The following CCDC92 variants were observed in gnomAD, a reference collection of about 807,000 sequenced individuals.
CCDC92 encodes the protein coiled-coil domain containing 92.
In CCDC92, 12 loss-of-function variants were observed where a neutral mutation model predicts 24.9. The observed-to-expected ratio is 0.48, with a 90% CI of 0.31 to 0.78. The LOEUF (loss-of-function observed/expected upper bound fraction) is 0.78, where lower values mean the gene tolerates loss of function less well. CCDC92 is among the 30% of genes least tolerant of loss of function. The pLI is 0.05. For missense variants in CCDC92, 399 were observed against 439.4 expected (o/e 0.91, Z 0.82); for synonymous variants, 193 against 196.3 (o/e 0.98, Z 0.14).
At chr12:123,940,907 G>C (rs1955663912) in intron 4 of CCDC92, among the ~76,000 whole-genome samples, 1 of 152,062 alleles carries the variant, frequency 6.6e-6, no homozygotes. Flanking sequence ...TTCACCACTG[G>C]GAGGGGAGAC....
Position 123,935,984 on chromosome 12 carries a change from T to G in CCDC92, c.*1074A>C, listed in dbSNP as rs1955476185. The G allele has an allele frequency of 6.5e-6, 1 of 153,700 alleles. No individual in the cohort carries two copies. The highest frequency in any genetic ancestry group is 2.4e-5 in the African/African-American group (1 of 41,492). 9.5% of individuals were successfully genotyped at this position (153,700 alleles called of 1,614,324 possible). On this transcript the variant is annotated 3_prime_UTR_variant, in exon 5 of 5. Coordinates refer to ENST00000238156, the MANE Select transcript of CCDC92 (RefSeq NM_025140.3). ...CCTAGCTTCTTTGGCTCTGACCTGC[T>G]ACGGCGACTGTGAAGTTGTTGAGCT... is the stretch of plus-strand genomic sequence containing the variant.
chr12:123,939,048 T>G (rs902323982), intron 4 of CCDC92, among the ~76,000 whole-genome samples: 1 of 152,218 alleles, frequency 6.6e-6, no homozygotes, highest in Non-Finnish European at 1.5e-5. Context: ...GCCAGATGCC[T>G]TCCAGTTCCT....
intron 2 of CCDC92, chr12:123,943,866 G>A (rs1955766860): frequency 2.3e-6 from 1 of 438,392 alleles, no homozygotes; most frequent in Non-Finnish European, 4.1e-6. Flanking sequence ...TATGGAGCAG[G>A]GATTCTAATC....
chr12:123,962,891 G>T (rs1555268462), intron 1 of CCDC92: 1 of 152,170 alleles, frequency 6.6e-6, no homozygotes, highest in Non-Finnish European at 1.5e-5. Flanking sequence ...GAATTAGCGT[G>T]TAAGTTTTCT....
At position 123,943,509 on chromosome 12, in the gene CCDC92, A is replaced by G. The variant is rs1955754460; in HGVS notation, c.35-16T>C. The stretch of plus-strand genomic sequence containing the variant: ...TCCAGAGGACCTGTGGGTAACACAG[A>G]CCCTGGCTGCGGTGCCTGAAGAGGG... On this transcript the variant is annotated splice_polypyrimidine_tract_variant and intron_variant, in intron 2 of 4. Transcript: ENST00000238156. 33 of 1,613,594 alleles carry G rather than the reference A, an allele frequency of 2.0e-5. No individual in the cohort carries two copies. The highest frequency in any genetic ancestry group is 2.5e-5 in the Non-Finnish European group (30 of 1,179,860).
intron 1 of CCDC92, chr12:123,969,963 TA>T (rs1956487045): frequency 6.6e-6 from 1 of 152,200 alleles, no homozygotes; most frequent in Non-Finnish European, 1.5e-5. Context: ...AAATCATGTA[TA>T]ATTAAAAAGA....
intron 1 of CCDC92, chr12:123,968,515 A>G (rs1956445742): frequency 6.6e-6 from 1 of 152,228 alleles, no homozygotes; most frequent in Non-Finnish European, 1.5e-5. Context: ...AAACACTTTT[A>G]AAGTTTTATT....
chr12:123,941,919 T>C (rs928963871), intron 4 of CCDC92, among the ~76,000 whole-genome samples: 7 of 152,250 alleles, frequency 4.6e-5, no homozygotes, highest in African/African-American at 1.7e-4. Context: ...AGATTATAAA[T>C]GTCCTCGTCT....
intron 1 of CCDC92, among the ~76,000 whole-genome samples, chr12:123,952,962 CCTCT>C (rs751158442): frequency 5.3e-5 from 8 of 152,118 alleles, no homozygotes; most frequent in Non-Finnish European, 8.8e-5. Flanking sequence ...CGAGTTGCAA[CCTCT>C]CTGAGTCCTC....
At chr12:123,970,279 C>T (rs1295293310) in intron 1 of CCDC92, 1 of 152,198 alleles carries the variant, frequency 6.6e-6, no homozygotes, top group East Asian at 1.9e-4. Context: ...GTGATACCTC[C>T]TAATAGCCAT....
intron 1 of CCDC92, among the ~76,000 whole-genome samples, chr12:123,965,807 T>C (rs966195306): frequency 2.0e-5 from 3 of 152,206 alleles, no homozygotes; most frequent in Admixed American, 2.0e-4. Flanking sequence ...GAAAATCATA[T>C]GTGGGTGGCA....
chr12:123,953,541 G>A (rs537096819), intron 1 of CCDC92, among the ~76,000 whole-genome samples: 26 of 152,306 alleles, frequency 1.7e-4, no homozygotes, highest in Admixed American at 1.3e-4. Flanking sequence ...CACTTTGGGA[G>A]GCCAAGGCTG....
intron 1 of CCDC92, chr12:123,967,930 G>A (rs1022366010): frequency 1.6e-4 from 25 of 152,228 alleles, no homozygotes; most frequent in African/African-American, 6.0e-4. Context: ...GAAATCTGAA[G>A]AGCAAAGGAT....
chr12:123,970,827 C>T (rs1956509855), intron 1 of CCDC92, among the ~76,000 whole-genome samples: 1 of 152,134 alleles, frequency 6.6e-6, no homozygotes, highest in Non-Finnish European at 1.5e-5. Context: ...GCTTTTTTAA[C>T]ATAAGTATTT....
chr12:123,936,887 G>A lies in CCDC92; in HGVS notation c.*171C>T. ...TTAGGAAATACATATTCTGCGGCAGGGACACGATCATATTTTGGTGTGAAG... is the reference window on the plus strand; with the variant it reads ...TTAGGAAATACATATTCTGCGGCAGAGACACGATCATATTTTGGTGTGAAG... On this transcript the variant is annotated 3_prime_UTR_variant, in exon 5 of 5. Transcript: ENST00000238156. 1.4e-6 allele frequency: 1 copy of A among 705,308 alleles called. No homozygotes were observed. Among genetic ancestry groups the A allele is most frequent in the Non-Finnish European group, 2.3e-6 (1 of 429,304 alleles). 43.7% of individuals were successfully genotyped at this position (705,308 alleles called of 1,614,324 possible).
chr12:123,948,742 A>C, intron 1 of CCDC92, among the ~76,000 whole-genome samples: 1 of 152,262 alleles, frequency 6.6e-6, no homozygotes, highest in East Asian at 1.9e-4. Flanking sequence ...ACTTGGGGCC[A>C]GGGAAACAAA....
In CCDC92 at chr12:123,954,879, C is replaced by T. The variant is rs567852862; in HGVS notation, c.-59-10515G>A. ...CCCAGGAGGAGGGAGCACCAGCATT[C>T]CATCTCCGGACCCTCAGAGCTGGAG... On this transcript the variant is annotated intron_variant, in intron 1 of 4. Transcript: ENST00000238156. Among the ~76,000 whole-genome samples the T allele has an allele frequency of 1.2e-4, 18 of 152,352 alleles. 1 individual carries two copies. The South Asian group carries it at 3.7e-3, about 32-fold the overall frequency.
In CCDC92 at chr12:123,937,190, G is replaced by A. The variant is rs750311604; in HGVS notation, c.864C>T (p.His288=). The change falls in exon 5 of 5, where the codon CAC becomes CAT. Residue 288 remains histidine, a synonymous_variant. Coordinates refer to ENST00000238156, the MANE Select transcript of CCDC92 (RefSeq NM_025140.3). This position sits in a 1 kb window ranked among gnomAD's most constrained non-coding sequence, Gnocchi z 8.4. ...SPAREKPHKA[H]VGVAHRIHHA... ...GGTGGATCCGATGTGCCACCCCGAC[G>A]TGGGCCTTGTGCGGCTTTTCGCGGG... The A allele has an allele frequency of 1.1e-5, 18 of 1,609,664 alleles. No individual in the cohort carries two copies. The highest frequency in any genetic ancestry group is 1.6e-4 in the Middle Eastern group (1 of 6,080).
Position 123,937,715 on chromosome 12 carries a change from G to A in CCDC92, c.339C>T (p.Asn113=), listed in dbSNP as rs35794481. ...TGTTCTCCAGCACTGTGATCATCGC[G>A]TTTTTCTGCTCCAGTTCTTTCAACA... is the stretch of plus-strand genomic sequence containing the variant. ...AELLKELEQK[N]AMITVLENTI... Residue 113 remains asparagine, a synonymous_variant, in exon 5 of 5, where the codon AAC becomes AAT. Coordinates refer to ENST00000238156, the MANE Select transcript of CCDC92 (RefSeq NM_025140.3). The surrounding 1 kb of genome is among the most constrained non-coding windows in gnomAD (Gnocchi z 8.4). 80,218 of 1,613,994 alleles carry A rather than the reference G, an allele frequency of 0.05. 2,379 individuals carry two copies. Among genetic ancestry groups the A allele is most frequent in the Non-Finnish European group, 0.058 (68,084 of 1,179,994 alleles).
Sources: allele counts gnomAD v4.1 joint callset (sites outside exome capture counted in the v4.1 genomes callset), GRCh38; gene constraint gnomAD v4.1.1; non-coding constraint Gnocchi (gnomAD v3.1); transcripts MANE v1.5; gene names NCBI Gene and HGNC (gene_info 2026-07-23, HGNC 2026-07-21).